PDE7A: variants seen among roughly 807,000 people sequenced by gnomAD.
PDE7A encodes phosphodiesterase 7A.
In PDE7A, 39 loss-of-function variants were observed where a neutral mutation model predicts 64.3. The ratio of observed to expected loss-of-function variants is 0.61; its 90% CI spans 0.47 to 0.79. The LOEUF is 0.79. Ranked by LOEUF, PDE7A falls within the 30% of genes least tolerant of loss-of-function variation. The probability of loss-of-function intolerance (pLI) is 0.00; values close to 1 mark genes in which losing one functional copy is unlikely to be tolerated. For synonymous variants in PDE7A, 203 were observed against 206.8 expected (o/e 0.98, Z 0.16); for missense variants, 470 against 582.8 (o/e 0.81, Z 1.99).
chr8:65,838,709 G>T (rs1160775460), intron 1 of PDE7A: 1 of 152,196 alleles, frequency 6.6e-6, no homozygotes, highest in Non-Finnish European at 1.5e-5. Flanking sequence ...ATGTCCCAGG[G>T]TGCTTGTAAA....
rs557626784 is a variant in PDE7A, at chr8:65,735,242, G to A, written c.596-348C>T. ...GGGGAAACACAATCGCCGAGTGAGC[G>A]GGACAGACCATCAGAATTCTGCACT... On this transcript the variant is annotated intron_variant, in intron 6 of 12. Coordinates refer to ENST00000401827, the MANE Select transcript of PDE7A (RefSeq NM_001242318.3). Among the ~76,000 whole-genome samples the A allele has an allele frequency of 4.6e-5, 7 of 152,208 alleles. No homozygotes were observed. In the South Asian group the frequency reaches 1.0e-3, roughly 23 times the overall value.
chr8:65,839,377 G>A (rs574596559), intron 1 of PDE7A, among the ~76,000 whole-genome samples: 1 of 151,220 alleles, frequency 6.6e-6, no homozygotes, highest in Non-Finnish European at 1.5e-5. Context: ...TTCTGAGCAG[G>A]ATTCCAAGGT....
At chr8:65,837,558 G>T (rs1203435684) in intron 1 of PDE7A, among the ~76,000 whole-genome samples, 1 of 152,132 alleles carries the variant, frequency 6.6e-6, no homozygotes, top group African/African-American at 2.4e-5. Flanking sequence ...AAATAATTTT[G>T]TGCATGAAAC....
intron 1 of PDE7A, among the ~76,000 whole-genome samples, chr8:65,839,673 C>T (rs372333346): frequency 2.0e-5 from 3 of 152,062 alleles, no homozygotes; most frequent in East Asian, 3.8e-4. Context: ...TGTAATTCTA[C>T]AATATTTGCT....
At position 65,773,799 on chromosome 8, in the gene PDE7A, C is replaced by T. The variant is rs1809180258; in HGVS notation, c.283+5921G>A. ...AACAATCTAATCATTTTTAATGTCC[C>T]TCTCCCACTAAAACGTCCCATTATG... On this transcript the variant is annotated intron_variant, in intron 3 of 12. Transcript: ENST00000401827. Among the ~76,000 whole-genome samples the T allele has an allele frequency of 2.0e-5, 3 of 151,948 alleles. No individual in the cohort carries two copies. The South Asian group carries it at 6.2e-4, about 32-fold the overall frequency.
chr8:65,808,415 A>G (rs1216822948), intron 1 of PDE7A, among the ~76,000 whole-genome samples: 1 of 152,178 alleles, frequency 6.6e-6, no homozygotes, highest in Non-Finnish European at 1.5e-5. Context: ...AGTCTCCAGT[A>G]TTTATTTCTA....
intron 1 of PDE7A, among the ~76,000 whole-genome samples, chr8:65,810,042 G>A (rs1303041404): frequency 1.3e-5 from 2 of 152,094 alleles, no homozygotes; most frequent in Non-Finnish European, 2.9e-5. Flanking sequence ...AAAGACACAT[G>A]CACACATATG....
intron 6 of PDE7A, among the ~76,000 whole-genome samples, chr8:65,736,774 T>C (rs940686374): frequency 7.0e-6 from 1 of 143,126 alleles, no homozygotes; most frequent in Non-Finnish European, 1.5e-5. Flanking sequence ...AAAAGCCCTA[T>C]GTAATAAATT....
At chr8:65,758,891 C>G (rs1419384934) in intron 3 of PDE7A, among the ~76,000 whole-genome samples, 1 of 152,232 alleles carries the variant, frequency 6.6e-6, no homozygotes, top group East Asian at 1.9e-4. Context: ...GTCTCACTTG[C>G]CAGCTATGTT....
intron 3 of PDE7A, among the ~76,000 whole-genome samples, chr8:65,756,636 A>G (rs541390243): frequency 6.6e-6 from 1 of 151,916 alleles, no homozygotes; most frequent in South Asian, 2.1e-4. Context: ...TTGTTTGTAC[A>G]TTGTTTTCCT....
intron 1 of PDE7A, among the ~76,000 whole-genome samples, chr8:65,786,463 C>T (rs1809561441): frequency 6.6e-6 from 1 of 152,114 alleles, no homozygotes; most frequent in Non-Finnish European, 1.5e-5. Context: ...GAATAATCTA[C>T]AGTAACTCAT....
intron 1 of PDE7A, among the ~76,000 whole-genome samples, chr8:65,812,561 G>T (rs2128930262): frequency 6.6e-6 from 1 of 150,952 alleles, no homozygotes; most frequent in East Asian, 1.9e-4. Flanking sequence ...CTTAAAAGTG[G>T]AAAAAAAATG....
At position 65,716,720 on chromosome 8, in the gene PDE7A, G is replaced by C. The variant is rs1806157157; in HGVS notation, c.*2570C>G. 6.6e-6 allele frequency among the ~76,000 whole-genome samples: 1 copy of C among 152,312 alleles called. No individual in the cohort carries two copies. Among genetic ancestry groups the C allele is most frequent in the East Asian group, 1.9e-4 (1 of 5,192 alleles). On this transcript the variant is annotated 3_prime_UTR_variant, in exon 13 of 13. Coordinates refer to ENST00000401827, the MANE Select transcript of PDE7A (RefSeq NM_001242318.3). ...TGTTTTAAAAAAATAGTTACTGTGA[G>C]CTTGGTTAATGTGGGTTTGCCATGA... is the stretch of plus-strand genomic sequence containing the variant.
chr8:65,735,996 C>G (rs1372291611), intron 6 of PDE7A, among the ~76,000 whole-genome samples: 2 of 152,084 alleles, frequency 1.3e-5, no homozygotes, highest in African/African-American at 2.4e-5. Context: ...TTCCAAGACC[C>G]CCAGTGGATG....
chr8:65,736,610 G>A (rs1465990095), intron 6 of PDE7A, among the ~76,000 whole-genome samples: 1 of 151,886 alleles, frequency 6.6e-6, no homozygotes, highest in African/African-American at 2.4e-5. Context: ...ATGTAGTCTG[G>A]TGTGGTGGTG....
chr8:65,788,404 G>A (rs1398556747), intron 1 of PDE7A, among the ~76,000 whole-genome samples: 2 of 152,086 alleles, frequency 1.3e-5, no homozygotes, highest in African/African-American at 2.4e-5. Context: ...GCTAAGGCAC[G>A]TATTTTAGCA....
At position 65,837,626 on chromosome 8, in the gene PDE7A, G is replaced by A. The variant is rs536407172; in HGVS notation, c.138+3745C>T. Among the ~76,000 whole-genome samples, 6 of 152,304 alleles carry A rather than the reference G, an allele frequency of 3.9e-5. No individual in the cohort carries two copies. The South Asian group carries it at 6.2e-4, about 16-fold the overall frequency. On this transcript the variant is annotated intron_variant, in intron 1 of 12. Transcript: ENST00000401827. ...AAGGCGTCTCATCACTCATGTGGAC[G>A]ATCTTAACACCCATGTGGTTGATCT...
intron 3 of PDE7A, among the ~76,000 whole-genome samples, chr8:65,776,593 C>T (rs1429364555): frequency 6.6e-6 from 1 of 152,068 alleles, no homozygotes; most frequent in African/African-American, 2.4e-5. Flanking sequence ...TAATCACTTA[C>T]AGTTTTCTAT....
chr8:65,823,439 AACTT>A (rs1402600834), intron 1 of PDE7A, among the ~76,000 whole-genome samples: 1 of 152,186 alleles, frequency 6.6e-6, no homozygotes, highest in African/African-American at 2.4e-5. Flanking sequence ...TCTCCTTAAA[AACTT>A]AAAAGTTTCA....
Sources: allele counts gnomAD v4.1 joint callset (sites outside exome capture counted in the v4.1 genomes callset), GRCh38; gene constraint gnomAD v4.1.1; transcripts MANE v1.5; gene names NCBI Gene and HGNC (gene_info 2026-07-23, HGNC 2026-07-21).